CSF2RB: variants seen among roughly 807,000 people sequenced by gnomAD.
CSF2RB encodes the protein cytokine receptor common subunit beta.
A neutral mutation model predicts 67.2 loss-of-function variants in CSF2RB; 22 were observed. That is an observed-to-expected ratio of 0.33 (90% CI 0.23 to 0.47). CSF2RB has a LOEUF of 0.47. Among genes scored for constraint, CSF2RB ranks in the 20% least tolerant of loss-of-function variants. CSF2RB has a pLI of 1.00. For missense variants in CSF2RB, 1,113 were observed against 1,174.5 expected (o/e 0.95, Z 0.76); for synonymous variants, 507 against 482.9 (o/e 1.05, Z -0.65).
At chr22:36,921,669 G>A (rs1023739943) in intron 1 of CSF2RB, among the ~76,000 whole-genome samples, 1 of 152,172 alleles carries the variant, frequency 6.6e-6, no homozygotes, top group African/African-American at 2.4e-5. Flanking sequence ...GAGCAGGGGT[G>A]GGGAGAGCAC....
At chr22:36,924,704 G>T (rs760183723) in intron 3 of CSF2RB, among the ~76,000 whole-genome samples, 8 of 152,120 alleles carry the variant, frequency 5.3e-5, no homozygotes, top group Non-Finnish European at 1.0e-4. Context: ...CTCATGGTTG[G>T]GCCTCCGCCT....
intron 3 of CSF2RB, among the ~76,000 whole-genome samples, chr22:36,924,102 G>A (rs1191820367): frequency 6.6e-6 from 1 of 151,962 alleles, no homozygotes; most frequent in African/African-American, 2.4e-5. Flanking sequence ...GGCGGGGCCG[G>A]CTCTGCCACC....
chr22:36,922,079 T>A lies in CSF2RB; in HGVS notation c.-129T>A. 2.5e-6 allele frequency: 2 copies of A among 805,384 alleles called. No individual in the cohort carries two copies. Among genetic ancestry groups the A allele is most frequent in the Non-Finnish European group, 4.1e-6 (2 of 486,156 alleles). 49.9% of individuals were successfully genotyped at this position (805,384 alleles called of 1,614,324 possible). On this transcript the variant is annotated 5_prime_UTR_variant, in exon 2 of 14. Coordinates refer to ENST00000403662, the MANE Select transcript of CSF2RB (RefSeq NM_000395.3). ...CCAGGAGGGAGAGGTCCCAAGAGCC[T>A]GTGAAATGGGTCTGGCCTGGCTCCC... is the stretch of plus-strand genomic sequence containing the variant.
At chr22:36,928,872 G>T (rs1259466366) in intron 4 of CSF2RB, among the ~76,000 whole-genome samples, 1 of 152,182 alleles carries the variant, frequency 6.6e-6, no homozygotes, top group Non-Finnish European at 1.5e-5. Context: ...CTGTGGTAAG[G>T]CCCTGGTGGA....
chr22:36,933,814 C>T lies in CSF2RB; in HGVS notation c.1153-18C>T, dbSNP rs1941210701. 3 of 1,601,332 alleles carry T rather than the reference C, an allele frequency of 1.9e-6. No homozygotes were observed. The highest frequency in any genetic ancestry group is 1.7e-5 in the Admixed American group (1 of 59,326). ...CACGGGCACCGGGCCAGGCCTCACCCTCAGTGCCAACCCACAGGACAGCAA... is the reference window on the plus strand; with the variant it reads ...CACGGGCACCGGGCCAGGCCTCACCTTCAGTGCCAACCCACAGGACAGCAA... On this transcript the variant is annotated intron_variant, in intron 9 of 13. Coordinates refer to ENST00000403662, the MANE Select transcript of CSF2RB (RefSeq NM_000395.3).
chr22:36,938,490 G>C lies in CSF2RB; in HGVS notation c.2682G>C (p.Gly894=). 1 of 1,613,124 alleles carries C rather than the reference G, an allele frequency of 6.2e-7. No homozygotes were observed. Among genetic ancestry groups the C allele is most frequent in the East Asian group, 2.2e-5 (1 of 44,862 alleles). Reference sequence around the variant, plus strand: ...CCCCTTGGGAGGTCAACAAGCCTGGGGAGGTGTGTTGAGACCCCCAGGCCT... The same window carrying C: ...CCCCTTGGGAGGTCAACAAGCCTGGCGAGGTGTGTTGAGACCCCCAGGCCT... ...SLPPWEVNKP[G]EVC Residue 894 remains glycine, a synonymous_variant, in exon 14 of 14, where the codon GGG becomes GGC. Coordinates refer to ENST00000403662, the MANE Select transcript of CSF2RB (RefSeq NM_000395.3).
rs1009456219 is a variant in CSF2RB at position 36,937,074 on chromosome 22, C to A, written c.1569-303C>A. Among the ~76,000 whole-genome samples, 2 of 152,054 alleles carry A rather than the reference C, an allele frequency of 1.3e-5. No homozygotes were observed. The highest frequency in any genetic ancestry group is 2.9e-5 in the Non-Finnish European group (2 of 67,992). On this transcript the variant is annotated intron_variant, in intron 13 of 13. Coordinates refer to ENST00000403662, the MANE Select transcript of CSF2RB (RefSeq NM_000395.3). This position sits in a 1 kb window ranked among gnomAD's most constrained non-coding sequence, Gnocchi z 4.6. Reference sequence around the variant, plus strand: ...GCCCAGTGCACAGGCTGGGCATGAGCCTGGTGCTGAAGGAGGATGGACTTT... The same window carrying A: ...GCCCAGTGCACAGGCTGGGCATGAGACTGGTGCTGAAGGAGGATGGACTTT...
At chr22:36,928,079 G>T (rs1941063318) in intron 4 of CSF2RB, among the ~76,000 whole-genome samples, 2 of 152,282 alleles carry the variant, frequency 1.3e-5, no homozygotes, top group East Asian at 3.9e-4. Context: ...TGGAGCCTGT[G>T]TTGAGTAGCG....
chr22:36,935,682 T>C lies in CSF2RB; in HGVS notation c.1459T>C (p.Phe487Leu), dbSNP rs767852929. Residue 487 changes from phenylalanine (F) to leucine (L), a missense_variant, in exon 12 of 14, where the codon TTC becomes CTC. Phe to Leu is a conservative substitution (Grantham distance 22). This residue lies in a region of CSF2RB where 559 missense variants were observed against 656.5 expected (regional missense o/e 0.85). Transcript: ENST00000403662. ...KIPNPSKSHL[F>L]QNGSAELWPP... ...CCCCAACCCCAGCAAGAGCCACCTGTTCCAGGTAGGAACTGGCTGCGAGGG... is the reference window on the plus strand; with the variant it reads ...CCCCAACCCCAGCAAGAGCCACCTGCTCCAGGTAGGAACTGGCTGCGAGGG... The C allele has an allele frequency of 1.2e-6, 2 of 1,614,066 alleles. No individual in the cohort carries two copies. Among genetic ancestry groups the C allele is most frequent in the South Asian group, 2.2e-5 (2 of 91,058 alleles).
intron 8 of CSF2RB, 144 bp downstream of exon 8, chr22:36,930,974 A>T (rs1191390520): frequency 4.8e-6 from 5 of 1,033,994 alleles, no homozygotes; most frequent in Non-Finnish European, 7.3e-6. Context: ...CCAAAAGTGA[A>T]CAGAGAAGCA....
At chr22:36,928,547 G>A (rs951321595) in intron 4 of CSF2RB, among the ~76,000 whole-genome samples, 21 of 152,042 alleles carry the variant, frequency 1.4e-4, no homozygotes, top group Admixed American at 9.2e-4. Context: ...GGATGTTTTC[G>A]TTTGAAAGCC....
intron 10 of CSF2RB, among the ~76,000 whole-genome samples, chr22:36,934,946 G>A (rs1465347620): frequency 6.6e-6 from 1 of 152,280 alleles, no homozygotes; most frequent in African/African-American, 2.4e-5. Flanking sequence ...AGGGGCCTTT[G>A]CTCCTGCTGG....
In CSF2RB at chr22:36,938,204, G is replaced by A. The variant is rs755833752; in HGVS notation, c.2396G>A (p.Arg799His). 1.5e-5 allele frequency: 24 copies of A among 1,613,992 alleles called. No individual in the cohort carries two copies. Among genetic ancestry groups the A allele is most frequent in the Admixed American group, 3.3e-5 (2 of 60,004 alleles). Residue 799 changes from arginine (R) to histidine (H), a missense_variant, in exon 14 of 14, where the codon CGC becomes CAC. This residue lies in a region of CSF2RB where 554 missense variants were observed against 517.9 expected (regional missense o/e 1.07). Transcript: ENST00000403662. ...AGCCCTGTCCTGAACCCAGGGGAACGCCCGGCAGATGTGTCCCCAACATCC... is the reference window on the plus strand; with the variant it reads ...AGCCCTGTCCTGAACCCAGGGGAACACCCGGCAGATGTGTCCCCAACATCC... Reference protein sequence around the residue: ...AKSPVLNPGERPADVSPTSPQ... With the variant: ...AKSPVLNPGEHPADVSPTSPQ...
In CSF2RB at chr22:36,937,628, G is replaced by A; in HGVS notation, c.1820G>A (p.Gly607Asp). The change falls in exon 14 of 14, where the codon GGC becomes GAC. Residue 607 changes from glycine to aspartate, a missense_variant. Gly to Asp is a moderately conservative substitution (Grantham distance 94). Around this residue, in one of 2 missense-constraint regions of CSF2RB, gnomAD observed 554 missense variants for 517.9 expected, o/e 1.07. Coordinates refer to ENST00000403662, the MANE Select transcript of CSF2RB (RefSeq NM_000395.3). This position sits in a 1 kb window ranked among gnomAD's most constrained non-coding sequence, Gnocchi z 4.6. The stretch of plus-strand genomic sequence containing the variant: ...AGCCGCTCCCTACCTGACATCCTGG[G>A]CCAGCCGGAGCCCCCACAGGAGGGT... ...PHSRSLPDIL[G>D]QPEPPQEGGS... 1 of 1,561,066 alleles carries A rather than the reference G, an allele frequency of 6.4e-7. No homozygotes were observed. Among genetic ancestry groups the A allele is most frequent in the Non-Finnish European group, 8.7e-7 (1 of 1,152,154 alleles).
chr22:36,935,730 C>A, intron 12 of CSF2RB, 43 bp downstream of exon 12: 1 of 1,588,276 alleles, frequency 6.3e-7, no homozygotes, highest in East Asian at 2.3e-5. Flanking sequence ...CTTCTCTGTT[C>A]CTGCCTCTCT....
chr22:36,914,862 G>A (rs150014120), intron 1 of CSF2RB, among the ~76,000 whole-genome samples: 103 of 152,144 alleles, frequency 6.8e-4, no homozygotes, highest in African/African-American at 2.4e-3. Flanking sequence ...TAATTCATGA[G>A]TTGTATAAGG....
chr22:36,920,111 C>T (rs1005155008), intron 1 of CSF2RB, among the ~76,000 whole-genome samples: 1 of 152,218 alleles, frequency 6.6e-6, no homozygotes, highest in African/African-American at 2.4e-5. Flanking sequence ...GTAACCTATA[C>T]ATAGATGTAT....
Position 36,930,745 on chromosome 22 carries a change from C to T in CSF2RB, c.927C>T (p.Pro309=), listed in dbSNP as rs749331765. 2.0e-5 allele frequency: 32 copies of T among 1,613,724 alleles called. No homozygotes were observed. The highest frequency in any genetic ancestry group is 6.7e-5 in the East Asian group (3 of 44,880). Residue 309 remains proline (P), a synonymous_variant, in exon 8 of 14, where the codon CCC becomes CCT. Coordinates refer to ENST00000403662, the MANE Select transcript of CSF2RB (RefSeq NM_000395.3). ...SLHTRHHCQI[P]VPDPATHGQY... ...ACACCAGGCACCACTGCCAGATTCC[C>T]GTGCCCGACCCCGCGACCCACGGCC...
intron 1 of CSF2RB, among the ~76,000 whole-genome samples, chr22:36,914,389 ATCTC>A (rs10534185): frequency 1.8e-3 from 259 of 145,182 alleles, no homozygotes; most frequent in Admixed American, 6.5e-3. Flanking sequence ...CTATCCAGCA[ATCTC>A]TCTCTCTCTC....
Sources: allele counts gnomAD v4.1 joint callset (sites outside exome capture counted in the v4.1 genomes callset), GRCh38; gene constraint gnomAD v4.1.1; regional missense constraint gnomAD v4.1.1; non-coding constraint Gnocchi (gnomAD v3.1); transcripts MANE v1.5; gene names NCBI Gene and HGNC (gene_info 2026-07-23, HGNC 2026-07-21).